RGS8: variants seen among roughly 807,000 people sequenced by gnomAD.
RGS8 encodes regulator of G-protein signaling 8.
Under a neutral mutation model 21.7 loss-of-function variants are expected in RGS8, and 8 were observed. The ratio of observed to expected loss-of-function variants is 0.37; its 90% confidence interval spans 0.22 to 0.66. The LOEUF is 0.66. RGS8 is among the 30% of genes least tolerant of loss of function. The pLI, the probability that RGS8 is intolerant of heterozygous loss-of-function variation, is 0.59. For synonymous variants in RGS8, 80 were observed against 83.6 expected (o/e 0.96, Z 0.24); for missense variants, 157 against 217.9 (o/e 0.72, Z 1.76).
Position 182,648,322 on chromosome 1 carries a change from G to C in RGS8, c.194-19C>G. The C allele has an allele frequency of 6.2e-7, 1 of 1,609,338 alleles. No homozygotes were observed. The highest frequency in any genetic ancestry group is 8.5e-7 in the Non-Finnish European group (1 of 1,177,612). On this transcript the variant is annotated intron_variant, in intron 5 of 6. Transcript: ENST00000483095. ...ACCCCATCTGCGGATGTGGGAGGAA[G>C]AAAAGAAGAGAGATAGGAAGCAGCT...
At chr1:182,720,920 C>CAT in the RGS8 span, among the ~76,000 whole-genome samples, 10 of 52,182 alleles carry the variant, frequency 1.9e-4, no homozygotes, top group South Asian at 5.9e-4. Context: ...TGTGTATATA[C>CAT]ATATATACAT....
the RGS8 span, among the ~76,000 whole-genome samples, chr1:182,750,752 A>C: frequency 1.3e-5 from 2 of 152,276 alleles, no homozygotes; most frequent in East Asian, 3.9e-4. Flanking sequence ...CCATGCTTTT[A>C]GGAAGTTTAC....
chr1:182,666,946 T>C, exon 4 of RGS8: 1 of 1,614,086 alleles, frequency 6.2e-7, no homozygotes, highest in Non-Finnish European at 8.5e-7. Context: ...GAGACAGGCA[T>C]CCCAGTCGAG....
chr1:182,662,856 C>A (rs897503910), intron 5 of RGS8, among the ~76,000 whole-genome samples: 1 of 152,172 alleles, frequency 6.6e-6, no homozygotes, highest in African/African-American at 2.4e-5. Context: ...AGATTTTGCA[C>A]ACCATGAGCA....
chr1:182,654,702 G>T (rs1452830456), intron 5 of RGS8, among the ~76,000 whole-genome samples: 1 of 151,836 alleles, frequency 6.6e-6, no homozygotes, highest in Non-Finnish European at 1.5e-5. Flanking sequence ...AAGTAAATAA[G>T]AATGTGATAA....
At chr1:182,647,005 G>T in intron 6 of RGS8, 88 bp from the exon 8 acceptor site, 1 of 1,081,184 alleles carries the variant, frequency 9.2e-7, no homozygotes, top group Non-Finnish European at 1.4e-6. Context: ...AATTATGAAT[G>T]ACAGCATCTA....
chr1:182,693,131 G>A, the RGS8 span, among the ~76,000 whole-genome samples: 2 of 152,016 alleles, frequency 1.3e-5, no homozygotes, highest in African/African-American at 4.8e-5. Flanking sequence ...GACAAGTGAG[G>A]CCTAATTAAA....
At chr1:182,656,247 TG>T (rs1663271098) in intron 5 of RGS8, among the ~76,000 whole-genome samples, 19 of 152,158 alleles carry the variant, frequency 1.2e-4, no homozygotes, top group Admixed American at 1.2e-3. Context: ...CTCTCTCCTC[TG>T]GTGACAGCTG....
chr1:182,731,068 C>A, the RGS8 span, among the ~76,000 whole-genome samples: 1 of 152,214 alleles, frequency 6.6e-6, no homozygotes, highest in Non-Finnish European at 1.5e-5. Flanking sequence ...ATTCTATCTT[C>A]CTGTTCTCAC....
the RGS8 span, among the ~76,000 whole-genome samples, chr1:182,732,043 G>A: frequency 6.6e-6 from 1 of 152,214 alleles, no homozygotes; most frequent in African/African-American, 2.4e-5. Flanking sequence ...TAGGTTATTA[G>A]CAGTAGGAGT....
Position 182,651,878 on chromosome 1 carries a change from C to T in RGS8, c.194-3575G>A, listed in dbSNP as rs115872810. Among the ~76,000 whole-genome samples, 1,121 of 152,308 alleles carry T rather than the reference C, an allele frequency of 7.4e-3. 7 individuals carry two copies. Among genetic ancestry groups the T allele is most frequent in the Non-Finnish European group, 0.011 (765 of 68,038 alleles). ...TTTTCTCCTTGAAGGAGACCCAGTG[C>T]CCTTGAGAACTAAGTGAAGGGCTGG... is the stretch of plus-strand genomic sequence containing the variant. On this transcript the variant is annotated intron_variant, in intron 5 of 6. Transcript: ENST00000483095.
At chr1:182,714,446 T>G in the RGS8 span, 1 of 152,222 alleles carries the variant, frequency 6.6e-6, no homozygotes, top group Non-Finnish European at 1.5e-5. Flanking sequence ...AAAACACCGT[T>G]CTTCAAGCTC....
the RGS8 span, among the ~76,000 whole-genome samples, chr1:182,742,055 T>A: frequency 6.8e-6 from 1 of 147,388 alleles, no homozygotes; most frequent in East Asian, 2.0e-4. Context: ...GCTCCTCACA[T>A]CCCGGACGGG....
chr1:182,679,679 C>T lies in RGS8; in HGVS notation n.221+4677G>A, dbSNP rs567237434. ...CAATAGCTCCCAATCATGTAGACTCCGATAGTCCTTGGGTTGCTGAACATA... is the reference window on the plus strand; with the variant it reads ...CAATAGCTCCCAATCATGTAGACTCTGATAGTCCTTGGGTTGCTGAACATA... On this transcript the variant is annotated intron_variant and non_coding_transcript_variant, in intron 1 of 4. Coordinates refer to the RGS8 transcript ENST00000515211. Among the ~76,000 whole-genome samples, 37 of 152,186 alleles carry T rather than the reference C, an allele frequency of 2.4e-4. No homozygotes were observed. In the South Asian group the frequency reaches 5.8e-3, roughly 24 times the overall value.
chr1:182,676,694 A>G (rs1156540586), upstream of RGS8, among the ~76,000 whole-genome samples: 1 of 152,182 alleles, frequency 6.6e-6, no homozygotes, highest in Non-Finnish European at 1.5e-5. Flanking sequence ...ACATGGAGAA[A>G]AGTCAGCAGC....
At chr1:182,701,407 T>A in the RGS8 span, among the ~76,000 whole-genome samples, 1 of 152,238 alleles carries the variant, frequency 6.6e-6, no homozygotes, top group African/African-American at 2.4e-5. Context: ...CACAGGTCAC[T>A]GAGAGATGAC....
chr1:182,707,702 GTTTGT>G, the RGS8 span, among the ~76,000 whole-genome samples: 1 of 152,038 alleles, frequency 6.6e-6, no homozygotes, highest in African/African-American at 2.4e-5. Flanking sequence ...ATTTTTGTTT[GTTTGT>G]TTTGTTTTGT....
intron 5 of RGS8, among the ~76,000 whole-genome samples, chr1:182,650,056 C>T (rs555810201): frequency 5.3e-5 from 8 of 150,318 alleles, no homozygotes; most frequent in South Asian, 2.1e-4. Flanking sequence ...GGATTACAGG[C>T]GTGCGCCACT....
At chr1:182,663,492 T>C (rs963456974) in intron 5 of RGS8, among the ~76,000 whole-genome samples, 1 of 152,234 alleles carries the variant, frequency 6.6e-6, no homozygotes, top group Non-Finnish European at 1.5e-5. Flanking sequence ...AGCCTATTTC[T>C]GCAGTAGTTT....
Sources: allele counts gnomAD v4.1 joint callset (sites outside exome capture counted in the v4.1 genomes callset), GRCh38; gene constraint gnomAD v4.1.1; transcripts MANE v1.5; gene names NCBI Gene and HGNC (gene_info 2026-07-23, HGNC 2026-07-21).